Variants in LNX2 observed in about 807,000 individuals in gnomAD.
LNX2 encodes the protein ligand of Numb protein X 2.
LNX2 carries 35 observed loss-of-function variants against 66.2 expected under a neutral mutation model. That is an observed-to-expected ratio of 0.53 (90% CI 0.40 to 0.70). The LOEUF (loss-of-function observed/expected upper bound fraction) is 0.70, where lower values mean the gene tolerates loss of function less well. Among genes scored for constraint, LNX2 ranks in the 30% least tolerant of loss-of-function variants. The pLI, the probability that LNX2 is intolerant of heterozygous loss-of-function variation, is 0.00. For missense variants in LNX2, 791 were observed against 850.8 expected (o/e 0.93, Z 0.87); for synonymous variants, 337 against 315.6 (o/e 1.07, Z -0.72).
chr13:27,617,319 C>T (rs1022030711), intron 1 of LNX2, among the ~76,000 whole-genome samples: 8 of 152,146 alleles, frequency 5.3e-5, no homozygotes, highest in African/African-American at 1.9e-4. Context: ...ACACTGCTTC[C>T]TAAATAGAGG....
At position 27,581,772 on chromosome 13, in the gene LNX2, G is replaced by A. The variant is rs560037708; in HGVS notation, c.-69C>T. 125 of 1,335,622 alleles carry A rather than the reference G, an allele frequency of 9.4e-5. 2 individuals are homozygous for A. The Middle Eastern group carries it at 1.6e-3, about 17-fold the overall frequency. 82.7% of individuals were successfully genotyped at this position (1,335,622 alleles called of 1,614,324 possible). ...CGCTTGGTTTCCTTTAACAGACAGTGATGTATCTGACTAAAGTCAAGGTGT... is the reference window on the plus strand; with the variant it reads ...CGCTTGGTTTCCTTTAACAGACAGTAATGTATCTGACTAAAGTCAAGGTGT... On this transcript the variant is annotated 5_prime_UTR_variant, in exon 2 of 10. Coordinates refer to ENST00000316334, the MANE Select transcript of LNX2 (RefSeq NM_153371.4).
At chr13:27,568,437 G>A (rs1226109614) in intron 3 of LNX2, among the ~76,000 whole-genome samples, 1 of 152,174 alleles carries the variant, frequency 6.6e-6, no homozygotes. Context: ...ACTTCCTAGT[G>A]GGTAACAGAG....
chr13:27,567,858 G>A lies in LNX2; in HGVS notation c.656-19C>T, dbSNP rs766438419. 2.5e-5 allele frequency: 40 copies of A among 1,604,140 alleles called. No individual in the cohort carries two copies. Among genetic ancestry groups the A allele is most frequent in the Non-Finnish European group, 3.4e-5 (40 of 1,171,262 alleles). On this transcript the variant is annotated intron_variant, in intron 3 of 9. Transcript: ENST00000316334. ...TGTGTGGCTGCCAAGTTAAAAATGA[G>A]ACAGACAAAAACAGATGTTAAAAAA...
At chr13:27,573,436 C>G (rs1386911318) in intron 2 of LNX2, among the ~76,000 whole-genome samples, 1 of 111,296 alleles carries the variant, frequency 9.0e-6, no homozygotes, top group African/African-American at 3.9e-5. Context: ...ATTTGTTAAG[C>G]ATTGGTTAAA....
Position 27,548,484 on chromosome 13 carries a change from G to GACAGAT in LNX2, c.1938-20_1938-15dup. 1 of 1,603,066 alleles carries GACAGAT rather than the reference G, an allele frequency of 6.2e-7. No homozygotes were observed. The highest frequency in any genetic ancestry group is 1.1e-5 in the South Asian group (1 of 88,768). On this transcript the variant is annotated splice_polypyrimidine_tract_variant and intron_variant, in intron 9 of 9. Transcript: ENST00000316334. ...ATGTCACCACACCTGGACAAAGAGA[G>GACAGAT]ACAGATACAGAATGTTACTATTTTC... is the stretch of plus-strand genomic sequence containing the variant.
At position 27,548,307 on chromosome 13, in the gene LNX2, T is replaced by C. The variant is rs776875227; in HGVS notation, c.*28A>G. ...CTTTCAAAAATCTAAAAAAGGAAGATGCAAGATTTGAAACCAATTTCCAAA... is the reference window on the plus strand; with the variant it reads ...CTTTCAAAAATCTAAAAAAGGAAGACGCAAGATTTGAAACCAATTTCCAAA... On this transcript the variant is annotated 3_prime_UTR_variant, in exon 10 of 10. Coordinates refer to ENST00000316334, the MANE Select transcript of LNX2 (RefSeq NM_153371.4). The C allele has an allele frequency of 3.1e-6, 5 of 1,594,512 alleles. No individual in the cohort carries two copies. Among genetic ancestry groups the C allele is most frequent in the South Asian group, 1.1e-5 (1 of 88,206 alleles).
At chr13:27,548,547 A>T in intron 9 of LNX2, 77 bp from the exon 10 acceptor site, 1 of 1,483,888 alleles carries the variant, frequency 6.7e-7, no homozygotes, top group Non-Finnish European at 9.1e-7. Context: ...TTTATGTAGC[A>T]TGAAAAATGC....
At chr13:27,619,985 C>CCA (rs113474326) in intron 1 of LNX2, among the ~76,000 whole-genome samples, 7 of 152,068 alleles carry the variant, frequency 4.6e-5, no homozygotes, top group South Asian at 4.1e-4. Context: ...ATTGCCGACA[C>CCA]CACACACACA....
rs1392536847 is a variant in LNX2 at position 27,547,003 on chromosome 13, T to G, written c.*1332A>C. On this transcript the variant is annotated 3_prime_UTR_variant, in exon 10 of 10. Transcript: ENST00000316334. ...CATTTCCAACAAAACAGAACTTTTC[T>G]GTCTCCTACTTGAAACAACTAATCT... 1 of 152,184 alleles carries G rather than the reference T, an allele frequency of 6.6e-6. No homozygotes were observed. The highest frequency in any genetic ancestry group is 2.4e-5 in the African/African-American group (1 of 41,458). The allele number at this position is 152,184 out of a possible 1,614,324, so 9.4% of individuals were successfully genotyped here.
At chr13:27,561,022 C>G (rs1029521117) in intron 5 of LNX2, among the ~76,000 whole-genome samples, 7 of 152,126 alleles carry the variant, frequency 4.6e-5, no homozygotes, top group African/African-American at 1.7e-4. Context: ...AATCCAAAAA[C>G]AATAACGCTT....
At chr13:27,586,449 T>G (rs140580772) in intron 1 of LNX2, among the ~76,000 whole-genome samples, 300 of 152,338 alleles carry the variant, frequency 2.0e-3, no homozygotes, top group Non-Finnish European at 3.5e-3. Flanking sequence ...CTGCTTTGTG[T>G]GCAAGCTGGC....
In LNX2 at chr13:27,581,550, T is replaced by G. The variant is rs943917977; in HGVS notation, c.154A>C (p.Ile52Leu). Residue 52 changes from isoleucine to leucine, a missense_variant, in exon 2 of 10, where the codon ATT (isoleucine) becomes CTT (leucine). Coordinates refer to ENST00000316334, the MANE Select transcript of LNX2 (RefSeq NM_153371.4). Reference sequence around the variant, plus strand: ...GGCTGCAGCAGAGGTTGAAGGCAAATATGGCAGACTAGGTCATCATCCACT... The same window carrying G: ...GGCTGCAGCAGAGGTTGAAGGCAAAGATGGCAGACTAGGTCATCATCCACT... ...NEVDDDLVCH[I>L]CLQPLLQPLD... The G allele has an allele frequency of 1.2e-6, 2 of 1,614,078 alleles. No homozygotes were observed. Among genetic ancestry groups the G allele is most frequent in the African/African-American group, 1.3e-5 (1 of 74,936 alleles).
At chr13:27,614,053 C>T (rs1422488530) in intron 1 of LNX2, among the ~76,000 whole-genome samples, 2 of 152,198 alleles carry the variant, frequency 1.3e-5, no homozygotes, top group African/African-American at 4.8e-5. Context: ...TCTCTTCTTG[C>T]CTTTAGCTTT....
At chr13:27,584,868 A>G (rs1279486882) in intron 1 of LNX2, among the ~76,000 whole-genome samples, 1 of 152,180 alleles carries the variant, frequency 6.6e-6, no homozygotes, top group African/African-American at 2.4e-5. Flanking sequence ...CTGTAATCTC[A>G]GCACTTTGGG....
intron 1 of LNX2, among the ~76,000 whole-genome samples, chr13:27,586,506 T>C (rs1955488328): frequency 6.6e-6 from 1 of 152,146 alleles, no homozygotes; most frequent in Non-Finnish European, 1.5e-5. Context: ...CACTGAACTA[T>C]CAGCTCTAAG....
intron 4 of LNX2, among the ~76,000 whole-genome samples, chr13:27,563,453 G>T (rs1955166745): frequency 6.6e-6 from 1 of 152,096 alleles, no homozygotes; most frequent in African/African-American, 2.4e-5. Flanking sequence ...AAAATATAAT[G>T]TATATCTAAT....
intron 4 of LNX2, among the ~76,000 whole-genome samples, chr13:27,564,566 A>G (rs1337816495): frequency 2.0e-5 from 3 of 152,158 alleles, no homozygotes; most frequent in Non-Finnish European, 4.4e-5. Flanking sequence ...ATGAAACTCT[A>G]AGAGTAGCAA....
chr13:27,563,356 C>A (rs1955162366), intron 4 of LNX2, among the ~76,000 whole-genome samples: 1 of 152,140 alleles, frequency 6.6e-6, no homozygotes, highest in African/African-American at 2.4e-5. Context: ...TGAAAGAAAA[C>A]CAGGTTAATT....
At chr13:27,557,885 C>A (rs1237197606) in intron 6 of LNX2, among the ~76,000 whole-genome samples, 1 of 152,034 alleles carries the variant, frequency 6.6e-6, no homozygotes, top group Non-Finnish European at 1.5e-5. Context: ...TAGACAAACA[C>A]AACTTTATTC....
Sources: gnomAD v4.1 joint callset for allele counts (sites outside exome capture counted in the v4.1 genomes callset) on GRCh38, gnomAD v4.1.1 for gene constraint, MANE v1.5 for transcripts, NCBI Gene and HGNC (gene_info 2026-07-23, HGNC 2026-07-21) for gene names.